Variants in STX16 observed in about 807,000 individuals in gnomAD.
STX16 encodes the protein syntaxin 16, also known as syntaxin-16.
Under a neutral mutation model 42.7 loss-of-function variants are expected in STX16, and 28 were observed. The ratio of observed to expected loss-of-function variants is 0.66; its 90% CI spans 0.49 to 0.90. The LOEUF (loss-of-function observed/expected upper bound fraction) is 0.90, where lower values mean the gene tolerates loss of function less well. STX16 is among the 40% of genes least tolerant of loss of function. The probability of loss-of-function intolerance (pLI) is 0.00; values close to 1 mark genes in which losing one functional copy is unlikely to be tolerated. For missense variants in STX16, 361 were observed against 420.9 expected, an observed-to-expected ratio of 0.86 and a Z score of 1.24; for synonymous variants, 156 against 155.2, an observed-to-expected ratio of 1.00 and a Z score of -0.04.
Position 58,676,174 on chromosome 20 carries a change from CCTCTT to C in STX16, c.874-12_874-8del, listed in dbSNP as rs1157484534. On this transcript the variant is annotated splice_region_variant and splice_polypyrimidine_tract_variant and intron_variant, in intron 8 of 8. Transcript: ENST00000371141. ...GGGAAAATGACGGCCTTTTTTCCCT[CCTCTT>C]TTTGTAGGCAGAACAGTATCAAAAG... The C allele has an allele frequency of 6.2e-7, 1 of 1,610,556 alleles. No individual in the cohort carries two copies. The highest frequency in any genetic ancestry group is 1.3e-5 in the African/African-American group (1 of 74,810).
chr20:58,676,198 T>A lies in STX16; in HGVS notation c.885T>A (p.Tyr295Ter). Reference sequence around the variant, plus strand: ...TCCTCTTTTTGTAGGCAGAACAGTATCAAAAGAAGAATCGGAAGATGCTTG... The same window carrying A: ...TCCTCTTTTTGTAGGCAGAACAGTAACAAAAGAAGAATCGGAAGATGCTTG... The part of the protein sequence containing the change: ...GLKQLHKAEQ[Y>*]QKKNRKMLVI... The change falls in exon 9 of 9, where the codon TAT becomes TAA. Residue 295 changes from tyrosine (Y) to a stop codon, truncating the protein, a stop_gained. Transcript: ENST00000371141. LOFTEE classifies it high-confidence loss of function. The A allele has an allele frequency of 6.2e-7, 1 of 1,613,988 alleles. No individual in the cohort carries two copies. Among genetic ancestry groups the A allele is most frequent in the Non-Finnish European group, 8.5e-7 (1 of 1,179,820 alleles).
At chr20:58,652,667 C>G (rs218471) in intron 1 of STX16, among the ~76,000 whole-genome samples, 37,733 of 151,786 alleles carry the variant, frequency 0.25, 5,502 homozygotes, top group East Asian at 0.5. Context: ...TTAACGGCCC[C>G]GCAGCCCTCT....
chr20:58,655,622 AT>A (rs943152284), intron 1 of STX16, among the ~76,000 whole-genome samples: 2 of 152,064 alleles, frequency 1.3e-5, no homozygotes, highest in African/African-American at 4.8e-5. Flanking sequence ...CAGCTCCATG[AT>A]TTTTACCACT....
chr20:58,670,558 A>C lies in STX16; in HGVS notation c.603A>C (p.Ser201=). Residue 201 remains serine, a synonymous_variant, in exon 6 of 9, where the codon TCA becomes TCC. Transcript: ENST00000371141. ...GATCCCAGCATTTTTTCGACACATC[A>C]GTACCACTAATGGATGATGGAGACG... is the stretch of plus-strand genomic sequence containing the variant. ...EERSQHFFDT[S]VPLMDDGDDN... 1 of 1,614,210 alleles carries C rather than the reference A, an allele frequency of 6.2e-7. No homozygotes were observed. The highest frequency in any genetic ancestry group is 8.5e-7 in the Non-Finnish European group (1 of 1,180,026).
At chr20:58,655,419 A>G (rs368799765) in intron 1 of STX16, among the ~76,000 whole-genome samples, 4 of 152,312 alleles carry the variant, frequency 2.6e-5, no homozygotes, top group South Asian at 2.1e-4. Flanking sequence ...GCGTGCATAC[A>G]GGGTTTTGCA....
rs2084197975 is a variant in STX16 at position 58,678,655 on chromosome 20, A to AAAT, written c.*2365_*2367dup. Reference sequence around the variant, plus strand: ...GCTCCGTCTCAAAAAAAAAAAAAAAAAATTGTTTTAGCGCTGGGTTTCCCA... The same window carrying AAAT: ...GCTCCGTCTCAAAAAAAAAAAAAAAAAATAATTGTTTTAGCGCTGGGTTTCCCA... On this transcript the variant is annotated 3_prime_UTR_variant, in exon 9 of 9. Coordinates refer to ENST00000371141, the MANE Select transcript of STX16 (RefSeq NM_001001433.3). 6.6e-6 allele frequency: 1 copy of AAAT among 151,778 alleles called. No individual in the cohort carries two copies. Among genetic ancestry groups the AAAT allele is most frequent in the Non-Finnish European group, 1.5e-5 (1 of 68,058 alleles). 9.4% of individuals were successfully genotyped at this position (151,778 alleles called of 1,614,324 possible).
chr20:58,660,724 T>TC (rs1343349700), intron 2 of STX16, among the ~76,000 whole-genome samples: 1 of 145,796 alleles, frequency 6.9e-6, no homozygotes, highest in African/African-American at 2.5e-5. Context: ...TTTTTTTTTT[T>TC]TTTTTTTTTT....
At chr20:58,652,864 C>CTT (rs561829356) in intron 1 of STX16, among the ~76,000 whole-genome samples, 12 of 147,664 alleles carry the variant, frequency 8.1e-5, no homozygotes, top group Non-Finnish European at 1.7e-4. Context: ...TAAAATAGCA[C>CTT]TTTTTTTTTT....
intron 5 of STX16, 100 bp downstream of exon 5, chr20:58,669,553 T>G: frequency 7.4e-7 from 1 of 1,355,174 alleles, no homozygotes; most frequent in Non-Finnish European, 1.0e-6. Flanking sequence ...GTACCTTTCA[T>G]TGTTAGCTTT....
At chr20:58,652,722 G>A (rs888186904) in intron 1 of STX16, among the ~76,000 whole-genome samples, 2 of 152,012 alleles carry the variant, frequency 1.3e-5, no homozygotes, top group African/African-American at 2.4e-5. Context: ...TGTTCTTCCT[G>A]GGGGCTTGCG....
At chr20:58,660,799 C>CA (rs1440093562) in intron 2 of STX16, among the ~76,000 whole-genome samples, 1 of 134,746 alleles carries the variant, frequency 7.4e-6, no homozygotes, top group Non-Finnish European at 1.5e-5. Context: ...AAAAGATACA[C>CA]AAGAAACTGT....
chr20:58,651,951 A>G lies in STX16; in HGVS notation c.-56A>G. 2 of 1,586,782 alleles carry G rather than the reference A, an allele frequency of 1.3e-6. No individual in the cohort carries two copies. ...GGGCCACGAGAAAGAAAGTGAATAA[A>G]TCAGGAATATAAGTGGGCGGGGGGC... On this transcript the variant is annotated 5_prime_UTR_variant, in exon 1 of 9. Coordinates refer to ENST00000371141, the MANE Select transcript of STX16 (RefSeq NM_001001433.3).
rs2084186578 is a variant in STX16 at position 58,678,393 on chromosome 20, C to T, written c.*2102C>T. The T allele has an allele frequency of 6.6e-6, 1 of 152,054 alleles. No individual in the cohort carries two copies. The highest frequency in any genetic ancestry group is 2.4e-5 in the African/African-American group (1 of 41,360). The allele number at this position is 152,054 out of a possible 1,614,324, so 9.4% of individuals were successfully genotyped here. On this transcript the variant is annotated 3_prime_UTR_variant, in exon 9 of 9. Transcript: ENST00000371141. The stretch of plus-strand genomic sequence containing the variant: ...AGGGGCTGGGCTCGGTGGCTCACGC[C>T]TGTAATCCCAGACTTTGAGAGGCCA...
chr20:58,671,459 T>TGG (rs2083973374), intron 7 of STX16, among the ~76,000 whole-genome samples, 162 bp downstream of exon 7: 2 of 128,246 alleles, frequency 1.6e-5, no homozygotes, highest in Non-Finnish European at 3.4e-5. Context: ...TGTGTGTGTG[T>TGG]GTGTGTGTGT....
At chr20:58,675,081 G>T (rs2084071420) in intron 8 of STX16, among the ~76,000 whole-genome samples, 1 of 152,086 alleles carries the variant, frequency 6.6e-6, no homozygotes, top group Non-Finnish European at 1.5e-5. Flanking sequence ...CAGCCACAAG[G>T]CTGTAGGCAG....
chr20:58,652,557 C>T (rs1250704244), intron 1 of STX16, among the ~76,000 whole-genome samples: 2 of 151,916 alleles, frequency 1.3e-5, no homozygotes, highest in Non-Finnish European at 2.9e-5. Context: ...GTCGCCGGAT[C>T]GTAGACCCAA....
At position 58,669,432 on chromosome 20, in the gene STX16, G is replaced by A. The variant is rs765364172; in HGVS notation, c.535G>A (p.Ala179Thr). 6.2e-6 allele frequency: 10 copies of A among 1,611,338 alleles called. No homozygotes were observed. Among genetic ancestry groups the A allele is most frequent in the Non-Finnish European group, 6.8e-6 (8 of 1,179,314 alleles). ...LQELSTSFRHAQSGYLKRMKN... is the reference protein window; with the variant it reads ...LQELSTSFRHTQSGYLKRMKN... ...GGAACTCTCCACCAGCTTCCGGCAC[G>A]CACAGTCAGGCTACCTCAAACGTGA... Residue 179 changes from alanine (A) to threonine (T), a missense_variant, in exon 5 of 9, where the codon GCA becomes ACA. Ala to Thr is a moderately conservative substitution (Grantham distance 58). Coordinates refer to ENST00000371141, the MANE Select transcript of STX16 (RefSeq NM_001001433.3).
At position 58,657,362 on chromosome 20, in the gene STX16, G is replaced by T. The variant is rs1244264039; in HGVS notation, c.133-2261G>T. 6.6e-6 allele frequency among the ~76,000 whole-genome samples: 1 copy of T among 152,174 alleles called. No homozygotes were observed. Among genetic ancestry groups the T allele is most frequent in the Non-Finnish European group, 1.5e-5 (1 of 68,030 alleles). On this transcript the variant is annotated intron_variant, in intron 1 of 8. Transcript: ENST00000371141. This position sits in a 1 kb window ranked among gnomAD's most constrained non-coding sequence, Gnocchi z 4.2. The stretch of plus-strand genomic sequence containing the variant: ...AGTGAGGCTTACTTTGAGAATAAGG[G>T]TACTTTGTTGGATAAAAGTGAAGCA...
rs576977875 is a variant in STX16 at position 58,671,441 on chromosome 20, T to G, written c.792+144T>G. The stretch of plus-strand genomic sequence containing the variant: ...CCTGTCCTTTATGTGTGTGTGGGTG[T>G]GTGTGTGTGTGTGTGTGTGTGTGTG... On this transcript the variant is annotated intron_variant, in intron 7 of 8. Coordinates refer to ENST00000371141, the MANE Select transcript of STX16 (RefSeq NM_001001433.3). The G allele has an allele frequency of 1.9e-4, 70 of 368,884 alleles. No homozygotes were observed. The East Asian group carries it at 2.4e-3, about 13-fold the overall frequency. 22.9% of individuals were successfully genotyped at this position (368,884 alleles called of 1,614,324 possible). A position where few individuals can be genotyped will look rare whatever the true frequency, so the allele number is the denominator to read the frequency against.
Sources: gnomAD v4.1 joint callset for allele counts (sites outside exome capture counted in the v4.1 genomes callset) on GRCh38, gnomAD v4.1.1 for gene constraint, Gnocchi (gnomAD v3.1) non-coding constraint, MANE v1.5 for transcripts, NCBI Gene and HGNC (gene_info 2026-07-23, HGNC 2026-07-21) for gene names.